Variants in AMMECR1 observed in about 807,000 individuals in gnomAD.
AMMECR1 encodes the protein nuclear protein AMMECR1.
A neutral mutation model predicts 22.5 loss-of-function variants in AMMECR1; 3 were observed. The observed-to-expected ratio is 0.13, with a 90% CI of 0.06 to 0.35. The LOEUF is 0.35. Among genes scored for constraint, AMMECR1 ranks in the 10% least tolerant of loss-of-function variants. The pLI, the probability that AMMECR1 is intolerant of heterozygous loss-of-function variation, is 1.00. For synonymous variants in AMMECR1, 130 were observed against 116.7 expected, an observed-to-expected ratio of 1.11 and a Z score of -0.74; for missense variants, 235 against 278.7, an observed-to-expected ratio of 0.84 and a Z score of 1.12.
chrX:110,294,691 G>A (rs1373874007), intron 1 of AMMECR1, among the ~76,000 whole-genome samples: 1 of 111,964 alleles, frequency 8.9e-6, no homozygotes, highest in Non-Finnish European at 1.9e-5. Flanking sequence ...GAACAAATCA[G>A]TACTATAATG....
rs2067940607 is a variant in AMMECR1, at chrX:110,297,056, G to A, written c.473+20543C>T. ...TTAGTGACTTTCCCGGACTAGTTCT[G>A]TAAAGCCTATATTCCCTGTCATGTG... On this transcript the variant is annotated intron_variant, in intron 1 of 5. Transcript: ENST00000262844. Among the ~76,000 whole-genome samples the A allele has an allele frequency of 2.7e-5, 3 of 111,773 alleles. No individual in the cohort carries two copies. The South Asian group carries it at 1.1e-3, about 41-fold the overall frequency.
chrX:110,369,366 A>G lies in AMMECR1; in HGVS notation c.-147-51517T>C, dbSNP rs200993809. Among the ~76,000 whole-genome samples the G allele has an allele frequency of 6.3e-5, 7 of 111,331 alleles. No homozygotes were observed. The East Asian group carries it at 1.7e-3, about 27-fold the overall frequency. Reference sequence around the variant, plus strand: ...AAAAAAGAAAAAAAGAAAAAGAAAGATTTTTGCCAAGGGTCCTTTTCTGAT... The same window carrying G: ...AAAAAAGAAAAAAAGAAAAAGAAAGGTTTTTGCCAAGGGTCCTTTTCTGAT... On this transcript the variant is annotated intron_variant, in intron 2 of 7. Coordinates refer to the AMMECR1 transcript ENST00000372057.
At chrX:110,243,650 C>T (rs767447238) in intron 2 of AMMECR1, among the ~76,000 whole-genome samples, 1 of 111,857 alleles carries the variant, frequency 8.9e-6, no homozygotes, top group Non-Finnish European at 1.9e-5. Flanking sequence ...TGTTTACAAA[C>T]ATTTATTTCT....
chrX:110,399,671 C>T (rs1234348598), intron 2 of AMMECR1, among the ~76,000 whole-genome samples: 6 of 111,544 alleles, frequency 5.4e-5, no homozygotes, highest in East Asian at 2.8e-4. Context: ...TCTCATTGTG[C>T]GGCTAGCCTG....
intron 3 of AMMECR1, 34 bp from the exon 4 acceptor site, chrX:110,202,570 T>G (rs1177062082): frequency 1.1e-6 from 1 of 895,341 alleles, no homozygotes; most frequent in Non-Finnish European, 1.6e-6. Flanking sequence ...TAGTACAGTC[T>G]TCTTCATAGA....
At chrX:110,367,973 AATT>A (rs201193443) in intron 2 of AMMECR1, among the ~76,000 whole-genome samples, 9,307 of 85,234 alleles carry the variant, frequency 0.11, 685 homozygotes, top group African/African-American at 0.23. Flanking sequence ...AGTGCTGGCT[AATT>A]ATTATTATTA....
At chrX:110,356,150 C>CT (rs1288370078) in intron 2 of AMMECR1, among the ~76,000 whole-genome samples, 992 of 88,124 alleles carry the variant, frequency 0.011, 13 homozygotes, top group African/African-American at 0.027. Context: ...GAGGCATAAC[C>CT]TTTTTTTTTT....
chrX:110,339,415 A>AAC (rs1391722677), intron 2 of AMMECR1, among the ~76,000 whole-genome samples: 2 of 108,648 alleles, frequency 1.8e-5, no homozygotes, highest in East Asian at 2.9e-4. Context: ...AAAAAAAAAA[A>AAC]AAAAAAAAAA....
chrX:110,314,994 A>T (rs953862933), intron 1 of AMMECR1, among the ~76,000 whole-genome samples: 2 of 111,554 alleles, frequency 1.8e-5, no homozygotes, highest in African/African-American at 6.5e-5. Flanking sequence ...TGAGAAGTTA[A>T]AACTGTCAAA....
At chrX:110,420,785 A>T (rs2068711812) in intron 2 of AMMECR1, among the ~76,000 whole-genome samples, 1 of 111,574 alleles carries the variant, frequency 9.0e-6, no homozygotes, top group African/African-American at 3.3e-5. Context: ...ACAAGTGGGA[A>T]CTTTCATACT....
chrX:110,200,333 T>C lies in AMMECR1; in HGVS notation c.887+621A>G, dbSNP rs145291147. On this transcript the variant is annotated intron_variant, in intron 5 of 5. Coordinates refer to ENST00000262844, the MANE Select transcript of AMMECR1 (RefSeq NM_015365.3). ...CTCAGGGAGAGCAGAGATGGAGGTATTTCTGAATTTGTAACTCCTCAGAGC... is the reference window on the plus strand; with the variant it reads ...CTCAGGGAGAGCAGAGATGGAGGTACTTCTGAATTTGTAACTCCTCAGAGC... Among the ~76,000 whole-genome samples, 557 of 112,072 alleles carry C rather than the reference T, an allele frequency of 5.0e-3. 2 individuals carry two copies. Among genetic ancestry groups the C allele is most frequent in the African/African-American group, 0.016 (504 of 30,885 alleles).
chrX:110,322,915 G>C (rs1376329538), upstream of AMMECR1, among the ~76,000 whole-genome samples: 1 of 111,476 alleles, frequency 9.0e-6, no homozygotes, highest in Non-Finnish European at 1.9e-5. Flanking sequence ...CCAAACTTCA[G>C]CCAGATCCTC....
intron 3 of AMMECR1, among the ~76,000 whole-genome samples, chrX:110,207,025 G>A (rs1171425865): frequency 8.9e-6 from 1 of 111,873 alleles, no homozygotes; most frequent in African/African-American, 3.3e-5. Context: ...CGCTCAATAT[G>A]CCAGTCCAAT....
At chrX:110,200,378 G>C (rs775694806) in intron 5 of AMMECR1, among the ~76,000 whole-genome samples, 1 of 112,232 alleles carries the variant, frequency 8.9e-6, no homozygotes, top group South Asian at 3.7e-4. Flanking sequence ...GCCATTTTTA[G>C]ACTATAAGCA....
At chrX:110,323,336 A>G (rs779619723) in intron 2 of AMMECR1, among the ~76,000 whole-genome samples, 2 of 111,928 alleles carry the variant, frequency 1.8e-5, no homozygotes, top group South Asian at 7.6e-4. Context: ...AACCTTCAAC[A>G]TAATCAATTT....
chrX:110,394,857 TC>T (rs1214176079), intron 2 of AMMECR1, among the ~76,000 whole-genome samples: 3 of 112,875 alleles, frequency 2.7e-5, no homozygotes, highest in Non-Finnish European at 5.6e-5. Flanking sequence ...GAGGAGGCCA[TC>T]CCTCTATATG....
chrX:110,403,668 G>A (rs1270274040), intron 2 of AMMECR1, among the ~76,000 whole-genome samples: 2 of 111,790 alleles, frequency 1.8e-5, no homozygotes, highest in Non-Finnish European at 3.8e-5. Flanking sequence ...AACCCCAAAA[G>A]CTCTGGAAAC....
chrX:110,263,397 T>C (rs1183743248), intron 2 of AMMECR1, among the ~76,000 whole-genome samples: 1 of 111,756 alleles, frequency 8.9e-6, no homozygotes, highest in Non-Finnish European at 1.9e-5. Flanking sequence ...TGGTTTTTTT[T>C]CTGGGCTTCA....
rs1602808295 is a variant in AMMECR1 at position 110,234,635 on chromosome X, T to C, written c.585-18003A>G. Among the ~76,000 whole-genome samples, 2 of 111,551 alleles carry C rather than the reference T, an allele frequency of 1.8e-5. 1 individual carries two copies. The highest frequency in any genetic ancestry group is 5.6e-4 in the East Asian group (2 of 3,567). ...TGGTACTGGTACCAAAACAGAGATATAGACCAATGGAACACAACAGAGCCC... is the reference window on the plus strand; with the variant it reads ...TGGTACTGGTACCAAAACAGAGATACAGACCAATGGAACACAACAGAGCCC... On this transcript the variant is annotated intron_variant, in intron 2 of 5. Transcript: ENST00000262844.
Sources: gnomAD v4.1 joint callset for allele counts (sites outside exome capture counted in the v4.1 genomes callset) on GRCh38, gnomAD v4.1.1 for gene constraint, MANE v1.5 for transcripts, NCBI Gene and HGNC (gene_info 2026-07-23, HGNC 2026-07-21) for gene names.